Variants in ARMC3 observed in about 807,000 individuals in gnomAD.
ARMC3 encodes the protein armadillo repeat containing 3.
A neutral mutation model predicts 90.3 loss-of-function variants in ARMC3; 74 were observed. The ratio of observed to expected loss-of-function variants is 0.82; its 90% confidence interval spans 0.68 to 0.99. The LOEUF (loss-of-function observed/expected upper bound fraction) is 0.99. ARMC3 is among the 50% of genes least tolerant of loss of function. ARMC3 has a pLI of 0.00. For synonymous variants in ARMC3, 334 were observed against 361.8 expected, an observed-to-expected ratio of 0.92 and a Z score of 0.87; for missense variants, 958 against 1,042.8, an observed-to-expected ratio of 0.92 and a Z score of 1.12.
chr10:23,011,368 G>C (rs1429640921), intron 16 of ARMC3, among the ~76,000 whole-genome samples: 1 of 152,170 alleles, frequency 6.6e-6, no homozygotes, highest in Non-Finnish European at 1.5e-5. Context: ...AATAAAAATA[G>C]AACCATTTTC....
intron 15 of ARMC3, 41 bp downstream of exon 15, chr10:23,008,415 C>G (rs1454757178): frequency 2.9e-6 from 3 of 1,044,182 alleles, no homozygotes; most frequent in Non-Finnish European, 4.2e-6. Flanking sequence ...ACAGCTTCCC[C>G]TTTAATTTGA....
chr10:23,022,813 C>T (rs907841521), intron 16 of ARMC3, among the ~76,000 whole-genome samples: 1 of 152,092 alleles, frequency 6.6e-6, no homozygotes, highest in Non-Finnish European at 1.5e-5. Flanking sequence ...GCTTCTCCCA[C>T]CCAGAGATAC....
intron 7 of ARMC3, among the ~76,000 whole-genome samples, chr10:22,963,981 C>G (rs1282265194): frequency 1.5e-5 from 2 of 129,842 alleles, no homozygotes; most frequent in Admixed American, 1.6e-4. Context: ...AGCCGTAAAA[C>G]TGTATTTATT....
chr10:22,992,192 C>T (rs575798803), intron 10 of ARMC3, among the ~76,000 whole-genome samples: 24 of 152,220 alleles, frequency 1.6e-4, no homozygotes, highest in African/African-American at 5.5e-4. Context: ...TTTGATTTCC[C>T]CAGACTTTGA....
chr10:22,978,475 A>G (rs888074908), intron 8 of ARMC3, among the ~76,000 whole-genome samples: 6 of 152,152 alleles, frequency 3.9e-5, no homozygotes, highest in Non-Finnish European at 7.4e-5. Context: ...CCCTCCCACA[A>G]CATGTGGGAA....
intron 3 of ARMC3, among the ~76,000 whole-genome samples, chr10:22,949,776 A>G (rs979677108): frequency 1.3e-5 from 2 of 152,172 alleles, no homozygotes; most frequent in African/African-American, 2.4e-5. Context: ...CCCAAGTGCA[A>G]AGAATATGAA....
At chr10:22,950,306 T>G (rs1298051834) in intron 3 of ARMC3, among the ~76,000 whole-genome samples, 3 of 151,980 alleles carry the variant, frequency 2.0e-5, no homozygotes, top group Non-Finnish European at 2.9e-5. Context: ...TTGAAACATA[T>G]GTATAAATAA....
chr10:22,979,790 T>C (rs998700697), intron 8 of ARMC3, among the ~76,000 whole-genome samples: 3 of 152,298 alleles, frequency 2.0e-5, no homozygotes, highest in South Asian at 2.1e-4. Context: ...AAAAAAGTTA[T>C]GGCCTGCCTG....
chr10:22,996,840 A>G (rs1165603589), intron 10 of ARMC3, among the ~76,000 whole-genome samples: 1 of 152,200 alleles, frequency 6.6e-6, no homozygotes, highest in Non-Finnish European at 1.5e-5. Context: ...CCTCCTTCAC[A>G]ATAAGCAAAT....
rs771171393 is a variant in ARMC3, at chr10:23,002,037, A to G, written c.1544A>G (p.Asn515Ser). 1.3e-5 allele frequency: 21 copies of G among 1,613,664 alleles called. No homozygotes were observed. The East Asian group carries it at 1.3e-4, about 10-fold the overall frequency. Reference sequence around the variant, plus strand: ...TGTGCTGGTGACGAGCTGACGGCCAATGAATTATGCAGGCTCGGGTGAGTG... The same window carrying G: ...TGTGCTGGTGACGAGCTGACGGCCAGTGAATTATGCAGGCTCGGGTGAGTG... ...MVCAGDELTA[N>S]ELCRLGALDI... Residue 515 changes from asparagine (N) to serine (S), a missense_variant, in exon 12 of 19, where the codon AAT (asparagine) becomes AGT (serine). Transcript: ENST00000298032.
chr10:22,970,860 GAATC>G (rs1410973717), intron 8 of ARMC3, among the ~76,000 whole-genome samples: 1 of 152,132 alleles, frequency 6.6e-6, no homozygotes, highest in African/African-American at 2.4e-5. Flanking sequence ...TGAAGAAAAG[GAATC>G]AATCCTATTC....
chr10:22,961,660 A>T, intron 6 of ARMC3: 1 of 457,954 alleles, frequency 2.2e-6, no homozygotes, highest in East Asian at 4.0e-5. Context: ...GTCATAGATC[A>T]TGTATATTTT....
chr10:23,009,553 A>G (rs1279053620), intron 16 of ARMC3, among the ~76,000 whole-genome samples: 2 of 152,136 alleles, frequency 1.3e-5, no homozygotes, highest in Non-Finnish European at 2.9e-5. Context: ...GTGCAGTGGC[A>G]CCATCTCCCA....
chr10:22,991,615 T>A (rs769039672), intron 10 of ARMC3, among the ~76,000 whole-genome samples: 1 of 152,096 alleles, frequency 6.6e-6, no homozygotes, highest in Non-Finnish European at 1.5e-5. Context: ...AATTTTAAAA[T>A]GGTAATTGCA....
intron 10 of ARMC3, 118 bp from the exon 11 acceptor site, chr10:22,998,030 T>C: frequency 8.0e-7 from 1 of 1,256,200 alleles, no homozygotes. Flanking sequence ...CATGGCAAAT[T>C]AATTTATTTC....
intron 8 of ARMC3, among the ~76,000 whole-genome samples, chr10:22,970,640 C>T (rs1351547784): frequency 6.6e-6 from 1 of 152,106 alleles, no homozygotes; most frequent in African/African-American, 2.4e-5. Flanking sequence ...TGAAGGTGCC[C>T]TGAAACAGAG....
chr10:22,946,232 G>C lies in ARMC3; in HGVS notation c.137G>C (p.Cys46Ser). Reference sequence around the variant, plus strand: ...GAAGAGGAAATTTTGGCTAAAGCATGTGAAGCCATTTATAAATTTGCTTTA... The same window carrying C: ...GAAGAGGAAATTTTGGCTAAAGCATCTGAAGCCATTTATAAATTTGCTTTA... Reference protein sequence around the residue: ...SPEEEILAKACEAIYKFALKG... With the variant: ...SPEEEILAKASEAIYKFALKG... The change falls in exon 3 of 19, where the codon TGT (cysteine) becomes TCT (serine). Residue 46 changes from cysteine to serine, a missense_variant. Physicochemically the swap from Cys to Ser is moderately radical, Grantham distance 112. Transcript: ENST00000298032. 2 of 1,610,220 alleles carry C rather than the reference G, an allele frequency of 1.2e-6. No homozygotes were observed. The highest frequency in any genetic ancestry group is 1.7e-6 in the Non-Finnish European group (2 of 1,177,728).
Position 22,946,181 on chromosome 10 carries a change from C to G in ARMC3, c.86C>G (p.Thr29Ser), listed in dbSNP as rs767601531. The change falls in exon 3 of 19, where the codon ACT (threonine) becomes AGT (serine). Residue 29 changes from threonine to serine, a missense_variant. Thr to Ser is a moderately conservative substitution (Grantham distance 58). Transcript: ENST00000298032. ...PLMIESKKAATVVLMLNSPEE... is the reference protein window; with the variant it reads ...PLMIESKKAASVVLMLNSPEE... ...ATGATTGAAAGCAAAAAAGCAGCAA[C>G]TGTGGTGTTAATGCTTAATTCTCCA... 5.0e-6 allele frequency: 8 copies of G among 1,612,740 alleles called. No homozygotes were observed. Among genetic ancestry groups the G allele is most frequent in the Middle Eastern group, 1.7e-4 (1 of 6,056 alleles).
At chr10:23,005,003 T>A (rs1837510599) in intron 13 of ARMC3, among the ~76,000 whole-genome samples, 1 of 27,728 alleles carries the variant, frequency 3.6e-5, no homozygotes. Context: ...GATCACGAGG[T>A]CAGATCGAGA....
Sources: allele counts gnomAD v4.1 joint callset (sites outside exome capture counted in the v4.1 genomes callset), GRCh38; gene constraint gnomAD v4.1.1; transcripts MANE v1.5; gene names NCBI Gene and HGNC (gene_info 2026-07-23, HGNC 2026-07-21).